The following PHACTR1 variants were observed in gnomAD, a reference collection of about 807,000 sequenced individuals.
PHACTR1 encodes RPEL repeat containing 1.
Under a neutral mutation model 69.2 loss-of-function variants are expected in PHACTR1, and 16 were observed. The ratio of observed to expected loss-of-function variants is 0.23; its 90% CI spans 0.16 to 0.35. PHACTR1 has a LOEUF of 0.35. Among genes scored for constraint, PHACTR1 ranks in the 10% least tolerant of loss-of-function variants. PHACTR1 has a pLI of 1.00. For synonymous variants in PHACTR1, 312 were observed against 284.5 expected (o/e 1.10, Z -0.97); for missense variants, 510 against 734.7 (o/e 0.69, Z 3.54).
intron 4 of PHACTR1, 47 bp downstream of exon 4, chr6:12,749,837 C>T (rs1204404429): frequency 6.8e-7 from 1 of 1,467,028 alleles, no homozygotes; most frequent in Non-Finnish European, 9.0e-7. Context: ...CCTGCTCCCT[C>T]CCTCCCCGGC....
chr6:13,080,453 G>A (rs1055342577), intron 5 of PHACTR1, among the ~76,000 whole-genome samples: 1 of 152,140 alleles, frequency 6.6e-6, no homozygotes, highest in African/African-American at 2.4e-5. Flanking sequence ...TCATTGATTA[G>A]TTCATTAACC....
At chr6:13,126,319 G>A (rs1310635663) in intron 5 of PHACTR1, among the ~76,000 whole-genome samples, 5 of 152,178 alleles carry the variant, frequency 3.3e-5, no homozygotes, top group Non-Finnish European at 1.5e-5. Context: ...AAAGAGAAGG[G>A]CAGGAAAGGA....
chr6:12,826,155 A>C (rs547694264), intron 4 of PHACTR1, among the ~76,000 whole-genome samples: 46 of 152,356 alleles, frequency 3.0e-4, no homozygotes, highest in South Asian at 1.0e-3. Flanking sequence ...CAAGAAAGCC[A>C]ATAGAGGGTA....
chr6:13,109,828 T>C (rs1301193671), intron 5 of PHACTR1, among the ~76,000 whole-genome samples: 4 of 124,538 alleles, frequency 3.2e-5, no homozygotes, highest in Non-Finnish European at 5.2e-5. Context: ...GTTCAATTTT[T>C]TCAGCGTGTG....
chr6:13,136,440 T>G (rs1020131295), intron 5 of PHACTR1, among the ~76,000 whole-genome samples: 2 of 152,240 alleles, frequency 1.3e-5, no homozygotes, highest in African/African-American at 4.8e-5. Context: ...GGATCAGTCT[T>G]TGGCTTAAGG....
At chr6:12,830,110 AAAG>A (rs1157062587) in intron 4 of PHACTR1, among the ~76,000 whole-genome samples, 6 of 42,272 alleles carry the variant, frequency 1.4e-4, no homozygotes, top group Non-Finnish European at 4.3e-4. Context: ...AGAAAGAAAG[AAAG>A]AAAGAAAGAA....
intron 4 of PHACTR1, among the ~76,000 whole-genome samples, chr6:12,861,824 C>T (rs551768296): frequency 1.3e-5 from 2 of 152,200 alleles, no homozygotes; most frequent in South Asian, 2.1e-4. Flanking sequence ...TAGCTCATTT[C>T]GATCAGTTCA....
At chr6:13,020,930 C>T (rs911213417) in intron 4 of PHACTR1, among the ~76,000 whole-genome samples, 3 of 152,058 alleles carry the variant, frequency 2.0e-5, no homozygotes, top group African/African-American at 7.2e-5. Flanking sequence ...GCCTGGGATA[C>T]CACACTAAGG....
intron 7 of PHACTR1, among the ~76,000 whole-genome samples, chr6:13,193,357 G>GTATATATATATATATATATA (rs56305254): frequency 0.018 from 1,216 of 67,968 alleles, 142 homozygotes; most frequent in Non-Finnish European, 0.027. Context: ...AGCTCTCTGT[G>GTATATATATATATATATATA]TATATATATA....
intron 3 of PHACTR1, among the ~76,000 whole-genome samples, chr6:12,741,034 C>T (rs1052244076): frequency 1.2e-4 from 18 of 151,844 alleles, no homozygotes; most frequent in Non-Finnish European, 2.5e-4. Flanking sequence ...ACTCTTACCT[C>T]CCGTTTGCTT....
chr6:13,184,695 T>A, intron 7 of PHACTR1: 2 of 887,828 alleles, frequency 2.3e-6, no homozygotes, highest in Middle Eastern at 2.7e-4. Flanking sequence ...GCATCGGTGC[T>A]CCGCTGTGTT....
intron 5 of PHACTR1, among the ~76,000 whole-genome samples, chr6:13,061,488 G>A (rs1807672760): frequency 6.6e-6 from 1 of 152,158 alleles, no homozygotes. Flanking sequence ...AAGCAATACA[G>A]AAGATCATGA....
rs1033282025 is a variant in PHACTR1 at position 13,041,427 on chromosome 6, T to C, written c.251-11938T>C. Among the ~76,000 whole-genome samples, 7 of 142,064 alleles carry C rather than the reference T, an allele frequency of 4.9e-5. No individual in the cohort carries two copies. In the Admixed American group the frequency reaches 4.9e-4, roughly 10 times the overall value. 93.2% of individuals were successfully genotyped at this position (142,064 alleles called of 152,430 possible). ...AGGATCAACACCCTTGCAAAAATACTCACTTCAGCAGTACTATTTGGATTT... is the reference window on the plus strand; with the variant it reads ...AGGATCAACACCCTTGCAAAAATACCCACTTCAGCAGTACTATTTGGATTT... On this transcript the variant is annotated intron_variant, in intron 4 of 14. Transcript: ENST00000332995.
intron 4 of PHACTR1, among the ~76,000 whole-genome samples, chr6:12,777,552 C>T (rs537261247): frequency 6.6e-5 from 10 of 151,404 alleles, no homozygotes; most frequent in African/African-American, 2.4e-4. Flanking sequence ...CATGTTGCTG[C>T]AAAGGCCATG....
At chr6:13,029,735 T>C (rs550613652) in intron 4 of PHACTR1, among the ~76,000 whole-genome samples, 16 of 152,356 alleles carry the variant, frequency 1.1e-4, no homozygotes, top group African/African-American at 3.8e-4. Context: ...CACCATACGG[T>C]CTCTGTTGCA....
At chr6:13,146,712 T>C (rs535672200) in intron 5 of PHACTR1, among the ~76,000 whole-genome samples, 1 of 152,342 alleles carries the variant, frequency 6.6e-6, no homozygotes, top group South Asian at 2.1e-4. Flanking sequence ...CTTTGGGCAA[T>C]ACACTTCTAT....
At chr6:12,720,655 C>T (rs2127556165) in intron 3 of PHACTR1, among the ~76,000 whole-genome samples, 1 of 152,278 alleles carries the variant, frequency 6.6e-6, no homozygotes, top group South Asian at 2.1e-4. Flanking sequence ...TCAAGGATTC[C>T]TGGATTTGCA....
intron 4 of PHACTR1, among the ~76,000 whole-genome samples, chr6:12,866,692 C>T (rs1203125332): frequency 1.3e-5 from 2 of 152,112 alleles, no homozygotes; most frequent in Non-Finnish European, 2.9e-5. Context: ...TGCAGGGTGC[C>T]CAGCTTCCCT....
At chr6:13,211,155 G>A (rs965680347) in intron 8 of PHACTR1, among the ~76,000 whole-genome samples, 1 of 151,922 alleles carries the variant, frequency 6.6e-6, no homozygotes, top group Admixed American at 6.6e-5. Flanking sequence ...TGGGAAACAG[G>A]TGGTTTTTGG....
Sources: allele counts gnomAD v4.1 joint callset (sites outside exome capture counted in the v4.1 genomes callset), GRCh38; gene constraint gnomAD v4.1.1; transcripts MANE v1.5; gene names NCBI Gene and HGNC (gene_info 2026-07-23, HGNC 2026-07-21).